Variants in POU2F1 observed in about 807,000 individuals in gnomAD.
POU2F1 encodes the protein POU class 2 homeobox 1, also known as POU domain, class 2, transcription factor 1.
In POU2F1, 16 loss-of-function variants were observed where a neutral mutation model predicts 84.9. That is an observed-to-expected ratio of 0.19 (90% CI 0.13 to 0.29). POU2F1 has a LOEUF of 0.29. POU2F1 is among the 10% of genes least tolerant of loss of function. POU2F1 has a pLI of 1.00. For synonymous variants in POU2F1, 368 were observed against 368.3 expected (o/e 1.00, Z 0.01); for missense variants, 738 against 942.6 (o/e 0.78, Z 2.84).
At position 167,365,581 on chromosome 1, in the gene POU2F1, G is replaced by A; in HGVS notation, c.228+14G>A. 6.4e-7 allele frequency: 1 copy of A among 1,553,982 alleles called. No homozygotes were observed. The highest frequency in any genetic ancestry group is 1.9e-5 in the Admixed American group (1 of 51,462). ...CATCTCCATCAGGTAGGAATGTTCTGCTCAACCATCAGTGAGAGTGAAAGA... is the reference window on the plus strand; with the variant it reads ...CATCTCCATCAGGTAGGAATGTTCTACTCAACCATCAGTGAGAGTGAAAGA... On this transcript the variant is annotated intron_variant, in intron 3 of 15. Coordinates refer to ENST00000367866, the MANE Select transcript of POU2F1 (RefSeq NM_002697.4).
chr1:167,334,960 T>G (rs559307307), intron 2 of POU2F1, among the ~76,000 whole-genome samples: 1 of 141,480 alleles, frequency 7.1e-6, no homozygotes, highest in African/African-American at 2.6e-5. Context: ...TGTTTACAAT[T>G]GTAATAATTT....
chr1:167,338,289 C>T, intron 2 of POU2F1: 1 of 455,426 alleles, frequency 2.2e-6, no homozygotes, highest in Non-Finnish European at 4.4e-6. Context: ...TTAGGATTTT[C>T]TTTAGCTTAC....
In POU2F1 at chr1:167,371,975, C is replaced by T; in HGVS notation, c.341C>T (p.Pro114Leu). 2 of 1,614,170 alleles carry T rather than the reference C, an allele frequency of 1.2e-6. No homozygotes were observed. The highest frequency in any genetic ancestry group is 1.7e-6 in the Non-Finnish European group (2 of 1,180,030). ...SQQPSQPSQQ[P>L]SVQAAIPQTQ... ...CAGCCAAGCCAGCCTTCCCAGCAGC[C>T]TTCAGTGCAGGCAGCCATTCCCCAG... Residue 114 changes from proline to leucine, a missense_variant, in exon 5 of 16, where the codon CCT (proline) becomes CTT (leucine). Around this residue, in one of 4 missense-constraint regions of POU2F1, gnomAD observed 161 missense variants for 147.0 expected, o/e 1.10. Coordinates refer to ENST00000367866, the MANE Select transcript of POU2F1 (RefSeq NM_002697.4).
chr1:167,373,583 G>A (rs545652656), intron 5 of POU2F1, among the ~76,000 whole-genome samples: 3 of 152,300 alleles, frequency 2.0e-5, no homozygotes, highest in South Asian at 4.2e-4. Flanking sequence ...GATTGTGTTA[G>A]GGAGGGGCCT....
intron 7 of POU2F1, among the ~76,000 whole-genome samples, 181 bp downstream of exon 7, chr1:167,376,336 A>G (rs1304112436): frequency 6.6e-6 from 1 of 152,256 alleles, no homozygotes; most frequent in Admixed American, 6.5e-5. Context: ...TAAATACCAC[A>G]TTATTGAAGG....
At chr1:167,229,974 C>T (rs922435660) in intron 1 of POU2F1, among the ~76,000 whole-genome samples, 1 of 152,212 alleles carries the variant, frequency 6.6e-6, no homozygotes, top group African/African-American at 2.4e-5. Context: ...CATGACTCAA[C>T]AATTCCATCA....
intron 2 of POU2F1, among the ~76,000 whole-genome samples, chr1:167,350,932 A>G (rs546026681): frequency 2.0e-5 from 3 of 152,082 alleles, no homozygotes; most frequent in South Asian, 4.2e-4. Context: ...CGGGAGGCCA[A>G]GGTTGCAGTC....
intron 2 of POU2F1, 56 bp downstream of exon 2, chr1:167,332,591 A>C (rs113750174): frequency 7.1e-7 from 1 of 1,415,970 alleles, no homozygotes; most frequent in Non-Finnish European, 9.9e-7. Flanking sequence ...CAAAGAAGAA[A>C]GTTTCCATGT....
chr1:167,401,648 C>A (rs1476228006), intron 13 of POU2F1, 92 bp downstream of exon 13: 3 of 706,266 alleles, frequency 4.2e-6, no homozygotes, highest in South Asian at 3.3e-5. Context: ...TGAATTAAGG[C>A]CCTAACTAAA....
At chr1:167,295,828 C>T (rs1654255249) in intron 1 of POU2F1, among the ~76,000 whole-genome samples, 1 of 152,046 alleles carries the variant, frequency 6.6e-6, no homozygotes, top group South Asian at 2.1e-4. Context: ...AATAGGGAAC[C>T]TCTTAAGGGT....
chr1:167,361,889 T>G (rs1659375626), intron 2 of POU2F1, among the ~76,000 whole-genome samples: 1 of 152,202 alleles, frequency 6.6e-6, no homozygotes, highest in Non-Finnish European at 1.5e-5. Flanking sequence ...ACACTAATCT[T>G]GAATGGTTTT....
intron 1 of POU2F1, among the ~76,000 whole-genome samples, chr1:167,239,415 A>G (rs755984285): frequency 1.3e-5 from 2 of 152,214 alleles, no homozygotes; most frequent in African/African-American, 2.4e-5. Context: ...CTGCTTTACA[A>G]GAGTAAAAGA....
At chr1:167,396,141 T>G in intron 9 of POU2F1, 145 bp from the exon 10 acceptor site, 1 of 909,562 alleles carries the variant, frequency 1.1e-6, no homozygotes, top group Non-Finnish European at 1.7e-6. Flanking sequence ...AGGGATGGAG[T>G]TTATGTGGGA....
intron 13 of POU2F1, among the ~76,000 whole-genome samples, chr1:167,409,583 A>G (rs1199170480): frequency 1.3e-5 from 2 of 152,234 alleles, no homozygotes; most frequent in African/African-American, 4.8e-5. Flanking sequence ...ATGCTTATTT[A>G]TATAACATTT....
chr1:167,341,749 T>C (rs1320287286), intron 2 of POU2F1, among the ~76,000 whole-genome samples: 2 of 152,168 alleles, frequency 1.3e-5, no homozygotes, highest in African/African-American at 4.8e-5. Context: ...AAGTGTTAGC[T>C]CAGTGATCCT....
At chr1:167,389,566 TG>T (rs1337162372) in intron 8 of POU2F1, 21 bp from the exon 9 acceptor site, 2 of 1,612,962 alleles carry the variant, frequency 1.2e-6, no homozygotes, top group Non-Finnish European at 1.7e-6. Context: ...TTTTCCTCAT[TG>T]TTTTATTCTT....
intron 12 of POU2F1, 148 bp from the exon 13 acceptor site, chr1:167,401,303 A>G: frequency 1.9e-6 from 1 of 519,228 alleles, no homozygotes; most frequent in South Asian, 3.0e-5. Context: ...TATCTGTGAT[A>G]TCAGTGAACA....
chr1:167,356,636 C>T (rs541643323), intron 2 of POU2F1, among the ~76,000 whole-genome samples: 5 of 152,182 alleles, frequency 3.3e-5, no homozygotes, highest in Non-Finnish European at 7.4e-5. Context: ...AGAAAGAATT[C>T]GACTGAGGGG....
At chr1:167,347,651 C>CA (rs1394371960) in intron 2 of POU2F1, among the ~76,000 whole-genome samples, 2 of 152,170 alleles carry the variant, frequency 1.3e-5, no homozygotes, top group Non-Finnish European at 1.5e-5. Flanking sequence ...TCATCACCCC[C>CA]AAAGGAAACC....
Sources: allele counts gnomAD v4.1 joint callset (sites outside exome capture counted in the v4.1 genomes callset), GRCh38; gene constraint gnomAD v4.1.1; regional missense constraint gnomAD v4.1.1; transcripts MANE v1.5; gene names NCBI Gene and HGNC (gene_info 2026-07-23, HGNC 2026-07-21).